Variants in OCIAD1 observed in about 807,000 individuals in gnomAD.
The protein encoded by OCIAD1 is OCIA domain-containing protein 1.
A neutral mutation model predicts 38.9 loss-of-function variants in OCIAD1; 29 were observed. The ratio of observed to expected loss-of-function variants is 0.74; its 90% CI spans 0.55 to 1.02. The LOEUF is 1.02. Ranked by LOEUF, OCIAD1 falls within the 50% of genes least tolerant of loss-of-function variation. The pLI is 0.00. For synonymous variants in OCIAD1, 110 were observed against 92.0 expected (o/e 1.20, Z -1.12); for missense variants, 288 against 289.6 (o/e 0.99, Z 0.04).
chr4:48,858,337 T>TA (rs1191775469), intron 8 of OCIAD1, among the ~76,000 whole-genome samples: 5 of 152,212 alleles, frequency 3.3e-5, no homozygotes, highest in African/African-American at 7.2e-5. Context: ...TAAGTTGCTG[T>TA]AGTGACCTGA....
At chr4:48,837,201 C>T (rs1188306488) in intron 3 of OCIAD1, 2 of 151,496 alleles carry the variant, frequency 1.3e-5, no homozygotes, top group Admixed American at 6.6e-5. Context: ...TCTCCATCTC[C>T]TGACCTTGTG....
chr4:48,842,864 T>C (rs1299248237), intron 4 of OCIAD1, among the ~76,000 whole-genome samples, 175 bp downstream of exon 4: 1 of 152,206 alleles, frequency 6.6e-6, no homozygotes, highest in African/African-American at 2.4e-5. Context: ...TCAAATATCA[T>C]GACTTGAGAA....
upstream of OCIAD1, chr4:48,830,455 ATGCTGATT>A (rs1454457100): frequency 3.9e-5 from 6 of 152,232 alleles, no homozygotes; most frequent in Admixed American, 3.9e-4. Context: ...AATGAGTAAA[ATGCTGATT>A]GGCTGGGTGT....
At chr4:48,844,634 G>C (rs73246042) in intron 4 of OCIAD1, among the ~76,000 whole-genome samples, 5,977 of 151,964 alleles carry the variant, frequency 0.039, 185 homozygotes, top group Non-Finnish European at 0.063. Context: ...GGTAAAAATT[G>C]AGAGAGACTT....
At chr4:48,843,833 T>C (rs1049028129) in intron 4 of OCIAD1, among the ~76,000 whole-genome samples, 3 of 152,234 alleles carry the variant, frequency 2.0e-5, no homozygotes, top group African/African-American at 7.2e-5. Context: ...TCTATTTTAA[T>C]CCAGTGTGTC....
At chr4:48,821,655 C>T (rs1484841748) in intron 1 of OCIAD1, among the ~76,000 whole-genome samples, 9 of 152,192 alleles carry the variant, frequency 5.9e-5, no homozygotes, top group Admixed American at 5.9e-4. Flanking sequence ...CACATTGTCT[C>T]AGCCCAAAAA....
chr4:48,821,757 A>G (rs1233845051), intron 1 of OCIAD1, among the ~76,000 whole-genome samples: 2 of 152,176 alleles, frequency 1.3e-5, no homozygotes, highest in African/African-American at 4.8e-5. Flanking sequence ...ACAATAGACA[A>G]GCAGATAGCT....
intron 7 of OCIAD1, chr4:48,852,190 A>G (rs925722064): frequency 2.3e-6 from 1 of 427,496 alleles, no homozygotes; most frequent in Non-Finnish European, 4.1e-6. Context: ...AAGAAGATGA[A>G]TAACACTTGG....
chr4:48,837,006 C>G (rs929966917), intron 3 of OCIAD1, among the ~76,000 whole-genome samples: 1 of 152,196 alleles, frequency 6.6e-6, no homozygotes, highest in African/African-American at 2.4e-5. Context: ...GAGTCTCGCT[C>G]TATCCCCCAG....
chr4:48,841,277 G>C (rs1424629648), intron 3 of OCIAD1, among the ~76,000 whole-genome samples: 1 of 152,172 alleles, frequency 6.6e-6, no homozygotes, highest in Non-Finnish European at 1.5e-5. Context: ...CTCAGGTCTG[G>C]AACAGCACTG....
At chr4:48,857,792 C>T (rs1780201375) in intron 8 of OCIAD1, among the ~76,000 whole-genome samples, 1 of 152,164 alleles carries the variant, frequency 6.6e-6, no homozygotes. Context: ...GGATTACAGG[C>T]TTGAGCCACC....
intron 4 of OCIAD1, among the ~76,000 whole-genome samples, chr4:48,844,295 G>A (rs1269310098): frequency 6.6e-6 from 1 of 152,050 alleles, no homozygotes; most frequent in Non-Finnish European, 1.5e-5. Context: ...TTATGAAGAG[G>A]AGGAAGTTTT....
At chr4:48,838,240 C>T (rs1005396675) in intron 3 of OCIAD1, among the ~76,000 whole-genome samples, 2 of 151,860 alleles carry the variant, frequency 1.3e-5, no homozygotes, top group African/African-American at 4.8e-5. Context: ...ATCGCTTGAA[C>T]CCGGGAGGCA....
At chr4:48,859,022 A>G (rs1182132443) in intron 8 of OCIAD1, among the ~76,000 whole-genome samples, 7 of 152,202 alleles carry the variant, frequency 4.6e-5, no homozygotes, top group Admixed American at 2.0e-4. Flanking sequence ...TTACTACTTT[A>G]AAAATGGAAA....
chr4:48,843,707 A>AAACAAC (rs111373676), intron 4 of OCIAD1, among the ~76,000 whole-genome samples: 1 of 152,046 alleles, frequency 6.6e-6, no homozygotes, highest in East Asian at 1.9e-4. Context: ...CTGTATTGTG[A>AAACAAC]AACAACAACA....
chr4:48,810,160 G>C (rs1777070419), intron 1 of OCIAD1, among the ~76,000 whole-genome samples: 1 of 152,100 alleles, frequency 6.6e-6, no homozygotes. Context: ...ATTTTTAGGA[G>C]CAGAGTGCGT....
intron 6 of OCIAD1, 75 bp from the exon 7 acceptor site, chr4:48,851,728 AAAG>A: frequency 1.3e-6 from 1 of 753,980 alleles, no homozygotes; most frequent in African/African-American, 1.8e-5. Context: ...AAGCTATATG[AAAG>A]AAGTTATTTT....
chr4:48,849,835 C>T (rs1779271693), intron 5 of OCIAD1, 112 bp from the exon 6 acceptor site: 2 of 855,636 alleles, frequency 2.3e-6, no homozygotes, highest in South Asian at 1.9e-5. Flanking sequence ...CTCAGTCTTT[C>T]TAAACCAAAG....
chr4:48,807,514 G>T (rs537987498), intron 1 of OCIAD1, among the ~76,000 whole-genome samples: 2 of 152,170 alleles, frequency 1.3e-5, no homozygotes, highest in South Asian at 2.1e-4. Flanking sequence ...ATATTATATT[G>T]CTCTAAAGTG....
Sources: gnomAD v4.1 joint callset for allele counts (sites outside exome capture counted in the v4.1 genomes callset) on GRCh38, gnomAD v4.1.1 for gene constraint, MANE v1.5 for transcripts, NCBI Gene and HGNC (gene_info 2026-07-23, HGNC 2026-07-21) for gene names.